KLF13: variants seen among roughly 807,000 people sequenced by gnomAD.
KLF13 encodes the protein Krueppel-like factor 13.
A neutral mutation model predicts 16.7 loss-of-function variants in KLF13; 8 were observed. The ratio of observed to expected loss-of-function variants is 0.48; its 90% CI spans 0.28 to 0.87. KLF13 has a LOEUF of 0.87. Ranked by LOEUF, KLF13 falls within the 40% of genes least tolerant of loss-of-function variation. The pLI is 0.10. For synonymous variants in KLF13, 245 were observed against 208.4 expected (o/e 1.18, Z -1.51); for missense variants, 447 against 452.2 (o/e 0.99, Z 0.10).
chr15:31,378,414 C>T (rs886322079), downstream of KLF13, among the ~76,000 whole-genome samples: 2 of 152,204 alleles, frequency 1.3e-5, no homozygotes, highest in African/African-American at 2.4e-5. Context: ...TCCCAGGACA[C>T]TGGGAGTCTG....
intron 1 of KLF13, chr15:31,420,187 C>T (rs960471941): frequency 4.4e-5 from 25 of 572,460 alleles, no homozygotes; most frequent in South Asian, 7.4e-5. Flanking sequence ...ATAAAAGAGC[C>T]GAGCTGAGTG....
intron 1 of KLF13, among the ~76,000 whole-genome samples, chr15:31,415,573 G>T (rs1268081239): frequency 1.3e-5 from 2 of 152,108 alleles, no homozygotes; most frequent in African/African-American, 4.8e-5. Context: ...AGGGAAGTCA[G>T]AAAATAGATT....
intron 1 of KLF13, among the ~76,000 whole-genome samples, chr15:31,331,223 G>T (rs1214961398): frequency 6.6e-6 from 1 of 152,250 alleles, no homozygotes; most frequent in East Asian, 1.9e-4. Flanking sequence ...GGTTCTGGGG[G>T]TCCCATGGAA....
chr15:31,405,019 C>T (rs192410552), downstream of KLF13, among the ~76,000 whole-genome samples: 17 of 152,272 alleles, frequency 1.1e-4, no homozygotes, highest in African/African-American at 3.9e-4. Context: ...CAATGATATG[C>T]TTATGCTGTA....
chr15:31,404,609 G>A (rs541507583), exon 3 of KLF13: 2 of 152,276 alleles, frequency 1.3e-5, no homozygotes, highest in African/African-American at 4.8e-5. Flanking sequence ...ACATGGGTGG[G>A]GACAAATAAG....
chr15:31,365,691 G>GCC (rs1209073381), intron 1 of KLF13, among the ~76,000 whole-genome samples: 2 of 152,160 alleles, frequency 1.3e-5, no homozygotes, highest in Non-Finnish European at 2.9e-5. Flanking sequence ...CTTGGAGCGT[G>GCC]CCCTTTGCGC....
rs549865718 is a variant in KLF13 at position 31,420,373 on chromosome 15, G to C, written n.118-14997G>C. On this transcript the variant is annotated intron_variant and non_coding_transcript_variant, in intron 1 of 1. Transcript: ENST00000558225. The stretch of plus-strand genomic sequence containing the variant: ...ATGAAGACCTGAGGTATAAGCTCTT[G>C]CTAGAGTTCCCCAGTGGCTACCCTT... The C allele has an allele frequency of 7.2e-5, 82 of 1,138,322 alleles. No individual in the cohort carries two copies. The African/African-American group carries it at 9.1e-4, about 13-fold the overall frequency. 70.5% of individuals were successfully genotyped at this position (1,138,322 alleles called of 1,614,324 possible).
In KLF13 at chr15:31,375,284, C is replaced by T. The variant is rs1052274456; in HGVS notation, c.*2985C>T. 36 of 152,162 alleles carry T rather than the reference C, an allele frequency of 2.4e-4. No individual in the cohort carries two copies. Among genetic ancestry groups the T allele is most frequent in the African/African-American group, 8.2e-4 (34 of 41,420 alleles). 9.4% of individuals were successfully genotyped at this position (152,162 alleles called of 1,614,324 possible). On this transcript the variant is annotated 3_prime_UTR_variant, in exon 2 of 2. Transcript: ENST00000307145. Reference sequence around the variant, plus strand: ...GACTCCTGTGGAAGAGGGTGGTGGGCCTTGGAACGCTGCCTCCACTGAGGC... The same window carrying T: ...GACTCCTGTGGAAGAGGGTGGTGGGTCTTGGAACGCTGCCTCCACTGAGGC...
At position 31,377,116 on chromosome 15, in the gene KLF13, G is replaced by A. The variant is rs2039660016; in HGVS notation, c.*4817G>A. 6.6e-6 allele frequency: 1 copy of A among 152,330 alleles called. No homozygotes were observed. Among genetic ancestry groups the A allele is most frequent in the African/African-American group, 2.4e-5 (1 of 41,430 alleles). 9.4% of individuals were successfully genotyped at this position (152,330 alleles called of 1,614,324 possible). On this transcript the variant is annotated 3_prime_UTR_variant, in exon 2 of 2. Coordinates refer to ENST00000307145, the MANE Select transcript of KLF13 (RefSeq NM_015995.4). ...GCGTGCTTATTTGGAAACCAGGTGT[G>A]TGAGCCGAATGCCTGCCAGGCCATG...
At chr15:31,428,872 T>C (rs1052432169) in intron 1 of KLF13, among the ~76,000 whole-genome samples, 6 of 148,206 alleles carry the variant, frequency 4.0e-5, no homozygotes, top group African/African-American at 1.5e-4. Flanking sequence ...CAGGACATTC[T>C]TGAAGATATA....
At chr15:31,370,650 C>T (rs1054301829) in intron 1 of KLF13, among the ~76,000 whole-genome samples, 2 of 152,168 alleles carry the variant, frequency 1.3e-5, no homozygotes, top group African/African-American at 4.8e-5. Flanking sequence ...AACCCCTGAT[C>T]TCAAGTGATC....
chr15:31,420,091 A>G, intron 1 of KLF13: 1 of 381,064 alleles, frequency 2.6e-6, no homozygotes, highest in Non-Finnish European at 5.0e-6. Flanking sequence ...TATAACCAAC[A>G]AAACTGTTCT....
At position 31,327,571 on chromosome 15, in the gene KLF13, C is replaced by G; in HGVS notation, c.359C>G (p.Pro120Arg). The G allele has an allele frequency of 3.5e-6, 4 of 1,157,802 alleles. No individual in the cohort carries two copies. Among genetic ancestry groups the G allele is most frequent in the Non-Finnish European group, 4.3e-6 (4 of 935,394 alleles). The allele number at this position is 1,157,802 out of a possible 1,614,324, so 71.7% of individuals were successfully genotyped here. Residue 120 changes from proline (P) to arginine (R), a missense_variant, in exon 1 of 2, where the codon CCG becomes CGG. By Grantham distance (103) the Pro-to-Arg change is moderately radical (BLOSUM62 -2). This residue lies in a region of KLF13 where 359 missense variants were observed against 282.8 expected (regional missense o/e 1.27). Transcript: ENST00000307145. ...AEGAAAAPPS[P>R]AWSEPEPEAG... Reference sequence around the variant, plus strand: ...GGCGCGGCGGCCGCGCCCCCCAGCCCGGCGTGGAGCGAGCCGGAGCCCGAG... The same window carrying G: ...GGCGCGGCGGCCGCGCCCCCCAGCCGGGCGTGGAGCGAGCCGGAGCCCGAG...
downstream of KLF13, among the ~76,000 whole-genome samples, chr15:31,405,555 A>G (rs2040116169): frequency 6.6e-6 from 1 of 152,236 alleles, no homozygotes; most frequent in Admixed American, 6.5e-5. Flanking sequence ...ACTGATGAAA[A>G]CATCTTGCTA....
upstream of KLF13, among the ~76,000 whole-genome samples, chr15:31,390,926 G>C (rs1336262334): frequency 6.6e-6 from 1 of 151,454 alleles, no homozygotes; most frequent in Non-Finnish European, 1.5e-5. Context: ...ATGTCTGGTG[G>C]GAGCCTTTCT....
intron 2 of KLF13, chr15:31,403,293 T>C (rs1462421115): frequency 6.6e-6 from 1 of 152,230 alleles, no homozygotes; most frequent in African/African-American, 2.4e-5. Context: ...AAATAATCGA[T>C]GAATCATGAC....
chr15:31,334,724 G>A (rs2038897650), intron 1 of KLF13, among the ~76,000 whole-genome samples: 2 of 152,130 alleles, frequency 1.3e-5, no homozygotes, highest in Admixed American at 6.5e-5. Context: ...CACCACACCC[G>A]ACCTTTTCTT....
In KLF13 at chr15:31,327,686, C is replaced by T; in HGVS notation, c.474C>T (p.Ala158=). 2 of 1,527,820 alleles carry T rather than the reference C, an allele frequency of 1.3e-6. No homozygotes were observed. The highest frequency in any genetic ancestry group is 2.7e-5 in the East Asian group (1 of 36,850). The allele number at this position is 1,527,820 out of a possible 1,614,324, so 94.6% of individuals were successfully genotyped here. The change falls in exon 1 of 2, where the codon GCC becomes GCT. Residue 158 remains alanine, a synonymous_variant. Transcript: ENST00000307145. ...RQRVRRGRSR[A]DLESPQRKHK... ...GGGTCCGGCGGGGCCGAAGTCGCGC[C>T]GACCTCGAGTCCCCGCAGAGGAAGC... is the stretch of plus-strand genomic sequence containing the variant.
chr15:31,369,130 C>CT (rs1350959485), intron 1 of KLF13, among the ~76,000 whole-genome samples: 1 of 152,166 alleles, frequency 6.6e-6, no homozygotes, highest in Non-Finnish European at 1.5e-5. Context: ...ATTTTGTTGA[C>CT]TATCTTTGTA....
Sources: allele counts gnomAD v4.1 joint callset (sites outside exome capture counted in the v4.1 genomes callset), GRCh38; gene constraint gnomAD v4.1.1; regional missense constraint gnomAD v4.1.1; transcripts MANE v1.5; gene names NCBI Gene and HGNC (gene_info 2026-07-23, HGNC 2026-07-21).